The following USHBP1 variants were observed in gnomAD, a reference collection of about 807,000 sequenced individuals.
The protein encoded by USHBP1 is harmonin-binding protein USHBP1.
Under a neutral mutation model 76.2 loss-of-function variants are expected in USHBP1, and 67 were observed. The ratio of observed to expected loss-of-function variants is 0.88; its 90% CI spans 0.72 to 1.08. The LOEUF (loss-of-function observed/expected upper bound fraction) is 1.08. USHBP1 is among the 50% of genes least tolerant of loss of function. The probability of loss-of-function intolerance (pLI) is 0.00; values close to 1 mark genes in which losing one functional copy is unlikely to be tolerated. For synonymous variants in USHBP1, 322 were observed against 362.2 expected (o/e 0.89, Z 1.26); for missense variants, 931 against 915.0 (o/e 1.02, Z -0.23).
chr19:17,250,490 C>T (rs2073537097), intron 12 of USHBP1, 76 bp from the exon 13 acceptor site: 1 of 1,494,168 alleles, frequency 6.7e-7, no homozygotes, highest in African/African-American at 1.4e-5. Context: ...CTCCCACTCC[C>T]AGAATGGGGG....
rs1030821608 is a variant in USHBP1, at chr19:17,250,000, G to A, written c.*225C>T. On this transcript the variant is annotated 3_prime_UTR_variant, in exon 13 of 13. Transcript: ENST00000252597. ...AGGTTGCTTCTGGCCTGACCCCACT[G>A]ATATGAAGTTCACATTCCACTTGGT... The A allele has an allele frequency of 5.2e-6, 3 of 571,616 alleles. No individual in the cohort carries two copies. The highest frequency in any genetic ancestry group is 9.2e-6 in the Non-Finnish European group (3 of 327,406). The allele number at this position is 571,616 out of a possible 1,614,324, so 35.4% of individuals were successfully genotyped here. A position where few individuals can be genotyped will look rare whatever the true frequency, so the allele number is the denominator to read the frequency against.
intron 1 of USHBP1, 130 bp from the exon 2 acceptor site, chr19:17,264,477 G>C (rs1599482211): frequency 1.4e-6 from 1 of 735,650 alleles, no homozygotes; most frequent in East Asian, 2.8e-5. Flanking sequence ...TGTTGATTGG[G>C]CAGATTTGAA....
intron 10 of USHBP1, among the ~76,000 whole-genome samples, chr19:17,255,005 G>A (rs570745273): frequency 4.6e-5 from 7 of 152,094 alleles, no homozygotes; most frequent in African/African-American, 1.4e-4. Flanking sequence ...GGACAGGTGC[G>A]GCGACTCATG....
At chr19:17,263,415 C>A (rs77885463) in intron 3 of USHBP1, 2,182 of 161,472 alleles carry the variant, frequency 0.014, 48 homozygotes, top group African/African-American at 0.049. Flanking sequence ...GCAAGAGCTG[C>A]GTGTTCTGGG....
At chr19:17,251,552 G>C in intron 12 of USHBP1, 30 bp downstream of exon 12, 3 of 1,612,458 alleles carry the variant, frequency 1.9e-6, no homozygotes, top group Non-Finnish European at 2.5e-6. Context: ...ATGGTGCCAG[G>C]GGGATTGGGG....
Position 17,251,921 on chromosome 19 carries a change from A to G in USHBP1, c.1789T>C (p.Ser597Pro). ...GACCCAGGCACACACCTGGTGAGCG[A>G]TGCTGCCAGTTCCTGGGCTAACTTC... ...PEKLAQELAA[S>P]LTRTLDLQEQ... Residue 597 changes from serine to proline, a missense_variant, in exon 11 of 13, where the codon TCG becomes CCG. Coordinates refer to ENST00000252597, the MANE Select transcript of USHBP1 (RefSeq NM_031941.4). The G allele has an allele frequency of 6.5e-7, 1 of 1,543,812 alleles. No individual in the cohort carries two copies. Among genetic ancestry groups the G allele is most frequent in the East Asian group, 2.4e-5 (1 of 40,930 alleles).
chr19:17,252,282 G>A (rs962268100), intron 10 of USHBP1, among the ~76,000 whole-genome samples: 2 of 152,078 alleles, frequency 1.3e-5, no homozygotes, highest in African/African-American at 2.4e-5. Context: ...AGCAACCTCC[G>A]CCTCCCAGGT....
In USHBP1 at chr19:17,256,453, G is replaced by A. The variant is rs767197848; in HGVS notation, c.1470+18C>T. ...CCCACCAAGAAAGACTGACACAGTG[G>A]CCACAGCCCATTTGTACCCTTGCGG... On this transcript the variant is annotated intron_variant, in intron 9 of 12. Coordinates refer to ENST00000252597, the MANE Select transcript of USHBP1 (RefSeq NM_031941.4). The A allele has an allele frequency of 6.2e-7, 1 of 1,612,244 alleles. No homozygotes were observed. Among genetic ancestry groups the A allele is most frequent in the South Asian group, 1.1e-5 (1 of 91,044 alleles).
Position 17,250,255 on chromosome 19 carries a change from C to T in USHBP1, c.2082G>A (p.Pro694=), listed in dbSNP as rs10415471. The T allele has an allele frequency of 0.19, 301,725 of 1,611,754 alleles. 29,969 individuals are homozygous for T. Among genetic ancestry groups the T allele is most frequent in the African/African-American group, 0.2 (15,176 of 74,928 alleles). ...GAAAGGTGTCCCCAAGCTGGGGAGG[C>T]GGGAGGGGAGGCCTGGGCTTCCCCA... ...RALGKPRPPL[P]PPQLGDTFL is the part of the protein sequence containing the mutation. Residue 694 remains proline (P), a synonymous_variant, in exon 13 of 13, where the codon CCG becomes CCA. Coordinates refer to ENST00000252597, the MANE Select transcript of USHBP1 (RefSeq NM_031941.4).
chr19:17,262,094 G>A (rs1037206475), intron 4 of USHBP1, among the ~76,000 whole-genome samples: 6 of 149,664 alleles, frequency 4.0e-5, no homozygotes, highest in Admixed American at 2.0e-4. Flanking sequence ...TCCATCACCC[G>A]GGTTCAAGTG....
At position 17,250,409 on chromosome 19, in the gene USHBP1, A is replaced by G. The variant is rs2073535539; in HGVS notation, c.1928T>C (p.Leu643Pro). The G allele has an allele frequency of 6.2e-7, 1 of 1,611,994 alleles. No individual in the cohort carries two copies. The highest frequency in any genetic ancestry group is 1.3e-5 in the African/African-American group (1 of 74,958). Reference sequence around the variant, plus strand: ...GTGGGCTCCTCGGAAGGCCAGGACCAGGGCGCTGGAAGGGGTGGGTGGCTG... The same window carrying G: ...GTGGGCTCCTCGGAAGGCCAGGACCGGGGCGCTGGAAGGGGTGGGTGGCTG... ...NRDLCKAHSA[L>P]VLAFRGAHRK... Residue 643 changes from leucine (L) to proline (P), a missense_variant, in exon 13 of 13, where the codon CTG (leucine) becomes CCG (proline). Transcript: ENST00000252597.
At chr19:17,250,716 A>AT (rs1199270971) in intron 12 of USHBP1, among the ~76,000 whole-genome samples, 6 of 150,000 alleles carry the variant, frequency 4.0e-5, no homozygotes, top group Non-Finnish European at 5.9e-5. Flanking sequence ...ACGCCCAGCT[A>AT]ATTTTTTTGT....
intron 4 of USHBP1, among the ~76,000 whole-genome samples, chr19:17,262,155 C>T (rs941830542): frequency 2.6e-5 from 4 of 152,070 alleles, no homozygotes; most frequent in African/African-American, 9.7e-5. Flanking sequence ...CCTATGCCAC[C>T]GCACCCGGCT....
chr19:17,262,442 C>G (rs2073699905), intron 4 of USHBP1, 110 bp downstream of exon 4: 14 of 1,300,110 alleles, frequency 1.1e-5, no homozygotes, highest in Non-Finnish European at 1.4e-5. Context: ...GCCACCACAC[C>G]CAGCCTTAAA....
chr19:17,263,814 C>T (rs1022046236), intron 3 of USHBP1, 188 bp downstream of exon 3: 9 of 716,506 alleles, frequency 1.3e-5, no homozygotes, highest in East Asian at 6.1e-5. Context: ...TGCTGTGAGC[C>T]GAGATTGTGC....
chr19:17,258,109 C>T (rs2073642359), intron 8 of USHBP1, 103 bp downstream of exon 8: 2 of 1,534,054 alleles, frequency 1.3e-6, no homozygotes, highest in African/African-American at 2.7e-5. Context: ...TTGCTGGACA[C>T]AGCCACACCA....
At chr19:17,264,215 C>T in intron 2 of USHBP1, 31 bp downstream of exon 2, 2 of 1,613,508 alleles carry the variant, frequency 1.2e-6, no homozygotes, top group Non-Finnish European at 1.7e-6. Flanking sequence ...TCCCCAGGAT[C>T]TGGGTGTGGA....
At chr19:17,254,656 C>CA (rs77870417) in intron 10 of USHBP1, among the ~76,000 whole-genome samples, 4,186 of 123,988 alleles carry the variant, frequency 0.034, 73 homozygotes, top group Middle Eastern at 0.05. Context: ...AACTCTGTCT[C>CA]AAAAAAAAAA....
At chr19:17,263,971 G>T in intron 3 of USHBP1, 31 bp downstream of exon 3, 1 of 1,517,030 alleles carries the variant, frequency 6.6e-7, no homozygotes, top group East Asian at 2.3e-5. Flanking sequence ...GTCTGGACTG[G>T]AGTGAAGGGC....
Sources: allele counts gnomAD v4.1 joint callset (sites outside exome capture counted in the v4.1 genomes callset), GRCh38; gene constraint gnomAD v4.1.1; transcripts MANE v1.5; gene names NCBI Gene and HGNC (gene_info 2026-07-23, HGNC 2026-07-21).